The following KCTD1 variants were observed in gnomAD, a reference collection of about 807,000 sequenced individuals.
KCTD1 encodes BTB/POZ domain-containing protein KCTD1.
KCTD1 carries 24 observed loss-of-function variants against 66.0 expected under a neutral mutation model. The ratio of observed to expected loss-of-function variants is 0.36; its 90% CI spans 0.26 to 0.51. The LOEUF is 0.51. Ranked by LOEUF, KCTD1 falls within the 20% of genes least tolerant of loss-of-function variation. KCTD1 has a pLI of 0.95. For missense variants in KCTD1, 943 were observed against 1,205.2 expected (o/e 0.78, Z 3.22); for synonymous variants, 511 against 517.2 (o/e 0.99, Z 0.16).
At chr18:26,549,055 G>T (rs1985429699), upstream of KCTD1, 4 of 985,100 alleles carry the variant, frequency 4.1e-6, no homozygotes, top group Non-Finnish European at 3.6e-6. Context: ...GCGCCGGGCG[G>T]GCCGCGGGTG....
intron 1 of KCTD1, among the ~76,000 whole-genome samples, chr18:26,537,297 G>C (rs1458818438): frequency 1.3e-5 from 2 of 152,030 alleles, no homozygotes; most frequent in African/African-American, 2.4e-5. Flanking sequence ...TTGTCAGAAA[G>C]AATATCACAA....
chr18:26,485,718 A>G (rs1486375675), intron 2 of KCTD1, among the ~76,000 whole-genome samples: 1 of 152,066 alleles, frequency 6.6e-6, no homozygotes, highest in Non-Finnish European at 1.5e-5. Context: ...TATGCACAGA[A>G]CCTGCCCCAC....
chr18:26,551,538 G>T (rs1210337698), upstream of KCTD1, among the ~76,000 whole-genome samples: 1 of 152,012 alleles, frequency 6.6e-6, no homozygotes, highest in African/African-American at 2.4e-5. Flanking sequence ...CTGCCCGTAG[G>T]ATACTTCATT....
At chr18:26,522,198 C>T (rs778410827) in intron 1 of KCTD1, among the ~76,000 whole-genome samples, 8 of 152,122 alleles carry the variant, frequency 5.3e-5, no homozygotes, top group Non-Finnish European at 1.0e-4. Context: ...CAGAAGTAAT[C>T]AGTTACAAGG....
intron 1 of KCTD1, among the ~76,000 whole-genome samples, chr18:26,555,605 A>C (rs1191807350): frequency 2.0e-5 from 3 of 152,244 alleles, no homozygotes; most frequent in African/African-American, 7.2e-5. Flanking sequence ...TATTGCATCC[A>C]GGCCACTTGG....
chr18:26,468,795 C>T lies in KCTD1; in HGVS notation c.2133+7720G>A, dbSNP rs371991318. On this transcript the variant is annotated intron_variant, in intron 3 of 4. Transcript: ENST00000580059. The surrounding 1 kb of genome is among the most constrained non-coding windows in gnomAD (Gnocchi z 4.8). ...CCGGGAGGCGGAGGTTGCAGTGAGC[C>T]GAGATCGTGCCGCTGCACTCCAGCC... Among the ~76,000 whole-genome samples, 1 of 152,050 alleles carries T rather than the reference C, an allele frequency of 6.6e-6. No individual in the cohort carries two copies. Among genetic ancestry groups the T allele is most frequent in the Non-Finnish European group, 1.5e-5 (1 of 68,012 alleles).
In KCTD1 at chr18:26,476,527, A is replaced by G. The variant is rs1287859539; in HGVS notation, c.2121T>C (p.Pro707=). 1 of 1,609,718 alleles carries G rather than the reference A, an allele frequency of 6.2e-7. No homozygotes were observed. Among genetic ancestry groups the G allele is most frequent in the Non-Finnish European group, 8.5e-7 (1 of 1,178,980 alleles). Residue 707 remains proline, a synonymous_variant, in exon 3 of 5, where the codon CCT becomes CCC. Coordinates refer to ENST00000580059, the MANE Select transcript of KCTD1 (RefSeq NM_001142730.3). This position sits in a 1 kb window ranked among gnomAD's most constrained non-coding sequence, Gnocchi z 4.9. ...ATGGATCCCTCACCTTGAAATCATC[A>G]GGAATGAGGAGTTTGGATGTTCGTA... is the stretch of plus-strand genomic sequence containing the variant. ...NFLRTSKLLI[P]DDFKDYTLLY...
At chr18:26,500,952 A>G in intron 2 of KCTD1, 120 bp downstream of exon 2, 1 of 1,100,620 alleles carries the variant, frequency 9.1e-7, no homozygotes, top group Non-Finnish European at 1.3e-6. Flanking sequence ...GGTGGCTCAC[A>G]CAGCACTTTC....
At chr18:26,606,563 G>C (rs1290339210) in intron 1 of KCTD1, among the ~76,000 whole-genome samples, 1 of 152,200 alleles carries the variant, frequency 6.6e-6, no homozygotes, top group East Asian at 1.9e-4. Context: ...AAGAGGCCGT[G>C]TGTGCTTCAG....
chr18:26,590,894 G>T (rs536978423), intron 1 of KCTD1, among the ~76,000 whole-genome samples: 10 of 152,096 alleles, frequency 6.6e-5, no homozygotes, highest in Non-Finnish European at 1.2e-4. Flanking sequence ...TTTTCTAAAG[G>T]TTTCCATGCC....
At chr18:26,649,637 T>C (rs933455421) in intron 1 of KCTD1, among the ~76,000 whole-genome samples, 1 of 152,052 alleles carries the variant, frequency 6.6e-6, no homozygotes, top group African/African-American at 2.4e-5. Flanking sequence ...GCCTCCCGAG[T>C]AGCTGGGACT....
rs1567990028 is a variant in KCTD1 at position 26,548,445 on chromosome 18, C to G, written c.92G>C (p.Arg31Pro). 2.9e-6 allele frequency: 4 copies of G among 1,361,068 alleles called. No individual in the cohort carries two copies. The highest frequency in any genetic ancestry group is 1.8e-5 in the South Asian group (1 of 54,734). 84.3% of individuals were successfully genotyped at this position (1,361,068 alleles called of 1,614,324 possible). A position where few individuals can be genotyped will look rare whatever the true frequency, so the allele number is the denominator to read the frequency against. Residue 31 changes from arginine to proline, a missense_variant, in exon 1 of 5, where the codon CGG (arginine) becomes CCG (proline). This residue lies in a region of KCTD1 where 236 missense variants were observed against 206.6 expected (regional missense o/e 1.14). Coordinates refer to ENST00000580059, the MANE Select transcript of KCTD1 (RefSeq NM_001142730.3). ...AAAAAENNGERGEGERGAGGR... is the reference protein window; with the variant it reads ...AAAAAENNGEPGEGERGAGGR... ...CCCCGCGCCGCGCTCGCCCTCGCCC[C>G]GCTCCCCATTGTTCTCGGCGGCGGC...
At chr18:26,554,884 A>C (rs1190275206) in intron 1 of KCTD1, among the ~76,000 whole-genome samples, 2 of 152,218 alleles carry the variant, frequency 1.3e-5, no homozygotes, top group African/African-American at 4.8e-5. Context: ...ATGAAACTTC[A>C]CTTGGTTAAT....
At chr18:26,545,860 G>A (rs1286228354) in intron 1 of KCTD1, 1 of 152,126 alleles carries the variant, frequency 6.6e-6, no homozygotes, top group Non-Finnish European at 1.5e-5. Context: ...AATCATGTTA[G>A]GGTGGAAATA....
At position 26,466,523 on chromosome 18, in the gene KCTD1, G is replaced by A. The variant is rs990868133; in HGVS notation, c.2134-6598C>T. Among the ~76,000 whole-genome samples, 9 of 152,202 alleles carry A rather than the reference G, an allele frequency of 5.9e-5. No homozygotes were observed. The East Asian group carries it at 1.2e-3, about 19-fold the overall frequency. ...CACTCTTGGTTGTTGCAACCGGGAA[G>A]GGGGTGCTACTGGAATTTGATGGGT... On this transcript the variant is annotated intron_variant, in intron 3 of 4. Coordinates refer to ENST00000580059, the MANE Select transcript of KCTD1 (RefSeq NM_001142730.3).
chr18:26,510,103 A>G (rs1349101418), intron 1 of KCTD1, among the ~76,000 whole-genome samples: 2 of 152,226 alleles, frequency 1.3e-5, no homozygotes, highest in South Asian at 2.1e-4. Flanking sequence ...CCTAGCGAGA[A>G]GTACAGTGAA....
chr18:26,619,773 G>C (rs941748633), intron 1 of KCTD1, among the ~76,000 whole-genome samples: 38 of 152,170 alleles, frequency 2.5e-4, no homozygotes, highest in Admixed American at 2.4e-3. Context: ...GACTACAAGG[G>C]GAGCCACTGC....
intron 1 of KCTD1, chr18:26,544,614 G>C (rs1985126225): frequency 6.6e-6 from 1 of 152,118 alleles, no homozygotes; most frequent in Non-Finnish European, 1.5e-5. Context: ...CCAGCCAGAA[G>C]AGTTGATGAC....
At chr18:26,465,021 GT>G (rs889097287) in intron 3 of KCTD1, among the ~76,000 whole-genome samples, 21 of 152,216 alleles carry the variant, frequency 1.4e-4, no homozygotes, top group African/African-American at 5.1e-4. Context: ...GGCCACTGCA[GT>G]TTTTTCAGTG....
Sources: gnomAD v4.1 joint callset for allele counts (sites outside exome capture counted in the v4.1 genomes callset) on GRCh38, gnomAD v4.1.1 for gene constraint, gnomAD v4.1.1 regional missense constraint, Gnocchi (gnomAD v3.1) non-coding constraint, MANE v1.5 for transcripts, NCBI Gene and HGNC (gene_info 2026-07-23, HGNC 2026-07-21) for gene names.